MSI2: variants seen among roughly 807,000 people sequenced by gnomAD.
MSI2 encodes the protein RNA-binding protein Musashi homolog 2.
Under a neutral mutation model 45.6 loss-of-function variants are expected in MSI2, and 17 were observed. The ratio of observed to expected loss-of-function variants is 0.37; its 90% CI spans 0.26 to 0.56. The LOEUF (loss-of-function observed/expected upper bound fraction) is 0.56, where lower values mean the gene tolerates loss of function less well. Ranked by LOEUF, MSI2 falls within the 20% of genes least tolerant of loss-of-function variation. The probability of loss-of-function intolerance (pLI) is 0.77; values close to 1 mark genes in which losing one functional copy is unlikely to be tolerated. For missense variants in MSI2, 293 were observed against 444.2 expected, an observed-to-expected ratio of 0.66 and a Z score of 3.06; for synonymous variants, 156 against 158.2, an observed-to-expected ratio of 0.99 and a Z score of 0.11.
intron 6 of MSI2, among the ~76,000 whole-genome samples, chr17:57,513,766 T>A (rs2086409348): frequency 1.3e-5 from 2 of 152,180 alleles, no homozygotes; most frequent in South Asian, 4.1e-4. Context: ...AAGGGCAGTT[T>A]CTTGAGTGCC....
At chr17:57,330,289 C>CTTT (rs1023452042) in intron 5 of MSI2, among the ~76,000 whole-genome samples, 1 of 142,688 alleles carries the variant, frequency 7.0e-6, no homozygotes, top group African/African-American at 2.6e-5. Context: ...TCTTTTTTTT[C>CTTT]TTTTTTTTTT....
In MSI2 at chr17:57,470,483, G is replaced by T. The variant is rs187261335; in HGVS notation, c.406-59193G>T. On this transcript the variant is annotated intron_variant, in intron 6 of 13. Transcript: ENST00000284073. ...AGTAGAGATGGGGTTTCACTATGTT[G>T]GCCAAGCTGGTCTCGAACTCCTGAC... 3.7e-3 allele frequency among the ~76,000 whole-genome samples: 558 copies of T among 152,182 alleles called. 4 individuals carry two copies. Among genetic ancestry groups the T allele is most frequent in the African/African-American group, 0.013 (537 of 41,504 alleles).
rs576838461 is a variant in MSI2 at position 57,465,967 on chromosome 17, T to C, written c.406-63709T>C. Among the ~76,000 whole-genome samples, 271 of 152,278 alleles carry C rather than the reference T, an allele frequency of 1.8e-3. 1 individual carries two copies. Among genetic ancestry groups the C allele is most frequent in the African/African-American group, 6.4e-3 (266 of 41,554 alleles). Reference sequence around the variant, plus strand: ...GAATCATAAGGTTGATTTGAAAAATTGGCACCTAATGGCTTACAACTGTAA... The same window carrying C: ...GAATCATAAGGTTGATTTGAAAAATCGGCACCTAATGGCTTACAACTGTAA... On this transcript the variant is annotated intron_variant, in intron 6 of 13. Coordinates refer to ENST00000284073, the MANE Select transcript of MSI2 (RefSeq NM_138962.4).
intron 7 of MSI2, among the ~76,000 whole-genome samples, chr17:57,577,469 T>C (rs2088080903): frequency 6.6e-6 from 1 of 152,264 alleles, no homozygotes; most frequent in Non-Finnish European, 1.5e-5. Context: ...AGGAGGATTC[T>C]GTATAAAATT....
chr17:57,541,179 C>G (rs1051859594), intron 7 of MSI2, among the ~76,000 whole-genome samples: 8 of 130,068 alleles, frequency 6.2e-5, no homozygotes, highest in Admixed American at 2.3e-4. Context: ...GAGAGAGAGA[C>G]ACTTCAAGAA....
chr17:57,265,259 A>G (rs1907669080), intron 5 of MSI2: 1 of 152,210 alleles, frequency 6.6e-6, no homozygotes, highest in Admixed American at 6.5e-5. Flanking sequence ...TGTTCAGGTC[A>G]CAGTGGCAGA....
intron 6 of MSI2, among the ~76,000 whole-genome samples, chr17:57,468,059 A>T (rs1445207577): frequency 6.6e-6 from 1 of 151,718 alleles, no homozygotes; most frequent in Non-Finnish European, 1.5e-5. Flanking sequence ...AGTGGATAAG[A>T]GCTCAGGCTC....
intron 5 of MSI2, among the ~76,000 whole-genome samples, chr17:57,388,635 C>T (rs1336472817): frequency 6.6e-6 from 1 of 152,162 alleles, no homozygotes; most frequent in Non-Finnish European, 1.5e-5. Context: ...GCCTCCCCAC[C>T]CAATGGCCCT....
chr17:57,457,882 C>T (rs1342303235), intron 6 of MSI2, among the ~76,000 whole-genome samples: 1 of 151,798 alleles, frequency 6.6e-6, no homozygotes. Context: ...GCACTCCAGC[C>T]TAGGAGACAA....
Position 57,652,288 on chromosome 17 carries a change from G to C in MSI2, c.790+127G>C. 3 of 997,118 alleles carry C rather than the reference G, an allele frequency of 3.0e-6. No individual in the cohort carries two copies. The highest frequency in any genetic ancestry group is 4.5e-6 in the Non-Finnish European group (3 of 668,700). 61.8% of individuals were successfully genotyped at this position (997,118 alleles called of 1,614,324 possible). ...ACTCTCACCACAGCCCCGGGGAGGG[G>C]GTGGACGGGGAGGGGGTGGACCGGG... On this transcript the variant is annotated intron_variant, in intron 11 of 13. Coordinates refer to ENST00000284073, the MANE Select transcript of MSI2 (RefSeq NM_138962.4). The surrounding 1 kb of genome is among the most constrained non-coding windows in gnomAD (Gnocchi z 4.1).
chr17:57,567,555 T>C (rs941544173), intron 7 of MSI2, among the ~76,000 whole-genome samples: 7 of 152,244 alleles, frequency 4.6e-5, no homozygotes, highest in African/African-American at 1.4e-4. Flanking sequence ...GCTGGGTTAC[T>C]GTAAAGTGCA....
chr17:57,293,883 C>T (rs931193288), intron 5 of MSI2, among the ~76,000 whole-genome samples: 6 of 149,506 alleles, frequency 4.0e-5, no homozygotes, highest in African/African-American at 1.5e-4. Flanking sequence ...GCTGGAATTA[C>T]AGGCATGAGC....
intron 11 of MSI2, among the ~76,000 whole-genome samples, chr17:57,673,522 T>TAGCC (rs2144746370): frequency 1.3e-5 from 2 of 152,304 alleles, no homozygotes; most frequent in Admixed American, 1.3e-4. Context: ...AGCCCAAAGG[T>TAGCC]AGCCAGCCCA....
At chr17:57,273,545 G>T (rs77858366) in intron 5 of MSI2, among the ~76,000 whole-genome samples, 1 of 97,490 alleles carries the variant, frequency 1.0e-5, no homozygotes, top group Non-Finnish European at 2.1e-5. Flanking sequence ...TGGGGGGGGG[G>T]ACCTCATTAT....
At position 57,529,369 on chromosome 17, in the gene MSI2, G is replaced by A. The variant is rs1028853208; in HGVS notation, c.406-307G>A. On this transcript the variant is annotated intron_variant, in intron 6 of 13. Transcript: ENST00000284073. The surrounding 1 kb of genome is among the most constrained non-coding windows in gnomAD (Gnocchi z 5.3). ...GAGGATTGCTTGAGCTCAGGAGGTC[G>A]AGACTGCAGTGAGCCGTGATGGTGC... Among the ~76,000 whole-genome samples, 2 of 152,164 alleles carry A rather than the reference G, an allele frequency of 1.3e-5. No individual in the cohort carries two copies. Among genetic ancestry groups the A allele is most frequent in the African/African-American group, 2.4e-5 (1 of 41,450 alleles).
rs2085777654 is a variant in MSI2, at chr17:57,487,413, C to CA, written c.406-42256dup. ...CAGTTATCAGTCTTTCTATTGCACC[C>CA]AAAAAAACTGCTTGCCTCTCTCCCT... On this transcript the variant is annotated intron_variant, in intron 6 of 13. Transcript: ENST00000284073. Among the ~76,000 whole-genome samples, 5 of 152,224 alleles carry CA rather than the reference C, an allele frequency of 3.3e-5. No homozygotes were observed. The South Asian group carries it at 1.0e-3, about 32-fold the overall frequency.
At chr17:57,477,431 T>C (rs1227718773) in intron 6 of MSI2, among the ~76,000 whole-genome samples, 1 of 152,190 alleles carries the variant, frequency 6.6e-6, no homozygotes, top group African/African-American at 2.4e-5. Context: ...CGCCCTGCGC[T>C]GCTCCTGAAA....
At chr17:57,513,781 A>G (rs2086409765) in intron 6 of MSI2, among the ~76,000 whole-genome samples, 1 of 151,998 alleles carries the variant, frequency 6.6e-6, no homozygotes, top group East Asian at 1.9e-4. Flanking sequence ...AGTGCCACAT[A>G]GTTCCTGAGA....
intron 5 of MSI2, among the ~76,000 whole-genome samples, chr17:57,270,246 A>G (rs1223116164): frequency 6.6e-6 from 1 of 152,180 alleles, no homozygotes; most frequent in Non-Finnish European, 1.5e-5. Flanking sequence ...AATCCTTACA[A>G]CAATCCTTTG....
Sources: allele counts gnomAD v4.1 joint callset (sites outside exome capture counted in the v4.1 genomes callset), GRCh38; gene constraint gnomAD v4.1.1; non-coding constraint Gnocchi (gnomAD v3.1); transcripts MANE v1.5; gene names NCBI Gene and HGNC (gene_info 2026-07-23, HGNC 2026-07-21).